The following PCSK5 variants were observed in gnomAD, a reference collection of about 807,000 sequenced individuals.
The protein encoded by PCSK5 is prohormone convertase 5.
A neutral mutation model predicts 233.2 loss-of-function variants in PCSK5; 129 were observed. The observed-to-expected ratio is 0.55, with a 90% confidence interval of 0.48 to 0.64. The LOEUF (loss-of-function observed/expected upper bound fraction) is 0.64. Ranked by LOEUF, PCSK5 falls within the 30% of genes least tolerant of loss-of-function variation. PCSK5 has a pLI of 0.00. For missense variants in PCSK5, 2,076 were observed against 2,430.1 expected (o/e 0.85, Z 3.06); for synonymous variants, 825 against 879.2 (o/e 0.94, Z 1.09).
Position 76,016,167 on chromosome 9 carries a change from G to A in PCSK5, c.412-7571G>A, listed in dbSNP as rs11144716. ...AAACTGTGTTAATGATACCTAACAT[G>A]TAGTGCCAGAGGGCAAGTGGGGGAT... On this transcript the variant is annotated intron_variant, in intron 3 of 37. Coordinates refer to ENST00000674117, the MANE Select transcript of PCSK5 (RefSeq NM_001372043.1). 3.3e-3 allele frequency among the ~76,000 whole-genome samples: 496 copies of A among 152,350 alleles called. 3 individuals carry two copies. Among genetic ancestry groups the A allele is most frequent in the African/African-American group, 0.011 (451 of 41,586 alleles).
intron 25 of PCSK5, 68 bp from the exon 26 acceptor site, chr9:76,295,207 G>A (rs1828399551): frequency 1.4e-6 from 2 of 1,395,916 alleles, no homozygotes; most frequent in African/African-American, 1.4e-5. Flanking sequence ...TACATAAGGA[G>A]ATTAAATTAT....
intron 14 of PCSK5, among the ~76,000 whole-genome samples, chr9:76,177,718 A>G (rs1049139027): frequency 6.6e-6 from 1 of 152,184 alleles, no homozygotes; most frequent in Non-Finnish European, 1.5e-5. Context: ...CAAATTTTGG[A>G]ATGTTGAGAT....
intron 24 of PCSK5, among the ~76,000 whole-genome samples, chr9:76,251,591 A>G (rs1293153111): frequency 6.6e-6 from 1 of 151,770 alleles, no homozygotes. Context: ...GACAGAAAGA[A>G]AAAGAAAAGT....
chr9:76,035,683 C>G (rs1828831232), intron 5 of PCSK5, among the ~76,000 whole-genome samples: 1 of 152,110 alleles, frequency 6.6e-6, no homozygotes, highest in Non-Finnish European at 1.5e-5. Context: ...ACATAAGTAT[C>G]CTTTTTAAAT....
intron 20 of PCSK5, among the ~76,000 whole-genome samples, chr9:76,227,082 A>C (rs73650499): frequency 0.025 from 3,746 of 152,210 alleles, 148 homozygotes; most frequent in African/African-American, 0.084. Flanking sequence ...GGTGGTAAGA[A>C]AAGATCTAGG....
rs904273471 is a variant in PCSK5 at position 76,230,629 on chromosome 9, G to A, written c.2730-2831G>A. ...GCAGCAAGTGAGCAAGTGAAGCCTC[G>A]TCTGTATTTATAGCCACTCCCCGTT... On this transcript the variant is annotated intron_variant, in intron 21 of 37. Transcript: ENST00000674117. Among the ~76,000 whole-genome samples, 7 of 152,302 alleles carry A rather than the reference G, an allele frequency of 4.6e-5. No individual in the cohort carries two copies. In the South Asian group the frequency reaches 8.3e-4, roughly 18 times the overall value.
chr9:76,199,052 T>A (rs1000676672), intron 20 of PCSK5, among the ~76,000 whole-genome samples: 3 of 152,204 alleles, frequency 2.0e-5, no homozygotes, highest in African/African-American at 7.2e-5. Flanking sequence ...GTGGATCATG[T>A]CAAACTAGTC....
chr9:76,086,784 G>A (rs538165766), intron 7 of PCSK5, among the ~76,000 whole-genome samples: 9 of 152,222 alleles, frequency 5.9e-5, no homozygotes, highest in South Asian at 4.2e-4. Flanking sequence ...ACTGGCTCTG[G>A]TAACATCATT....
chr9:76,064,645 C>T (rs1830206291), intron 5 of PCSK5, among the ~76,000 whole-genome samples: 1 of 149,312 alleles, frequency 6.7e-6, no homozygotes, highest in South Asian at 2.2e-4. Flanking sequence ...GGGCTCCTCA[C>T]TTCTCAGACG....
At chr9:76,310,141 A>G (rs1041859647) in intron 29 of PCSK5, among the ~76,000 whole-genome samples, 5 of 151,874 alleles carry the variant, frequency 3.3e-5, no homozygotes, top group African/African-American at 1.2e-4. Flanking sequence ...CCAGCTGCTC[A>G]GGAGGCTGAA....
rs763048319 is a variant in PCSK5 at position 76,239,023 on chromosome 9, C to T, written c.2931C>T (p.His977=). ...GECGDSCPEG[H]YATEGNTCLP... ...GTGGAGATAGCTGCCCAGAGGGCCACTATGCCACTGAGGGGAACACCTGCC... is the reference window on the plus strand; with the variant it reads ...GTGGAGATAGCTGCCCAGAGGGCCATTATGCCACTGAGGGGAACACCTGCC... The change falls in exon 23 of 38, where the codon CAC becomes CAT. Residue 977 remains histidine, a synonymous_variant. Transcript: ENST00000674117. 5 of 1,612,120 alleles carry T rather than the reference C, an allele frequency of 3.1e-6. No individual in the cohort carries two copies. The highest frequency in any genetic ancestry group is 4.2e-6 in the Non-Finnish European group (5 of 1,179,628).
At chr9:75,935,775 C>A (rs1564093515) in intron 2 of PCSK5, among the ~76,000 whole-genome samples, 1 of 152,046 alleles carries the variant, frequency 6.6e-6, no homozygotes, top group Non-Finnish European at 1.5e-5. Context: ...TGATTAGATT[C>A]AGGTTTGGCA....
intron 9 of PCSK5, among the ~76,000 whole-genome samples, chr9:76,124,652 A>G (rs1832770926): frequency 2.7e-5 from 4 of 149,834 alleles, no homozygotes; most frequent in South Asian, 4.3e-4. Flanking sequence ...AGGCTGAGGC[A>G]GGGGAATCAC....
intron 17 of PCSK5, among the ~76,000 whole-genome samples, chr9:76,188,357 G>A (rs1439704833): frequency 3.3e-5 from 5 of 152,226 alleles, no homozygotes; most frequent in African/African-American, 4.8e-5. Flanking sequence ...GCCTAGCAGC[G>A]TGTGTGTATG....
At chr9:75,976,583 C>A (rs1320881208) in intron 2 of PCSK5, among the ~76,000 whole-genome samples, 1 of 150,172 alleles carries the variant, frequency 6.7e-6, no homozygotes, top group African/African-American at 2.5e-5. Flanking sequence ...ATCTTTCCTG[C>A]AAGGATAAAG....
At chr9:76,067,773 C>A (rs1273434455) in intron 5 of PCSK5, among the ~76,000 whole-genome samples, 182 bp from the exon 6 acceptor site, 1 of 152,122 alleles carries the variant, frequency 6.6e-6, no homozygotes, top group Non-Finnish European at 1.5e-5. Context: ...AGAATATAAT[C>A]CAAAACAATC....
rs865962670 is a variant in PCSK5 at position 76,239,779 on chromosome 9, T to C, written c.3073+614T>C. ...GGGTGGGGGGATTGTGGACAGGATA[T>C]AGGTGAGAGAAAATAAAATTCGAAT... On this transcript the variant is annotated intron_variant, in intron 23 of 37. Transcript: ENST00000674117. Among the ~76,000 whole-genome samples the C allele has an allele frequency of 3.3e-5, 5 of 151,104 alleles. 1 individual carries two copies. The South Asian group carries it at 6.3e-4, about 19-fold the overall frequency.
chr9:75,891,655 G>A (rs968383323), intron 1 of PCSK5, among the ~76,000 whole-genome samples: 1 of 152,270 alleles, frequency 6.6e-6, no homozygotes, highest in East Asian at 1.9e-4. Flanking sequence ...GAGTGCCCCC[G>A]TGGTGGCTTC....
intron 25 of PCSK5, among the ~76,000 whole-genome samples, chr9:76,293,827 T>A (rs1326899551): frequency 6.6e-6 from 1 of 152,262 alleles, no homozygotes; most frequent in African/African-American, 2.4e-5. Context: ...ACATGAGATA[T>A]TTATTTCAAG....
Sources: allele counts gnomAD v4.1 joint callset (sites outside exome capture counted in the v4.1 genomes callset), GRCh38; gene constraint gnomAD v4.1.1; transcripts MANE v1.5; gene names NCBI Gene and HGNC (gene_info 2026-07-23, HGNC 2026-07-21).